LRP1B: variants seen among roughly 807,000 people sequenced by gnomAD.
The protein encoded by LRP1B is low-density lipoprotein receptor-related protein 1B.
In LRP1B, 217 loss-of-function variants were observed where a neutral mutation model predicts 556.6. That is an observed-to-expected ratio of 0.39 (90% CI 0.35 to 0.44). LRP1B has a LOEUF of 0.44. LRP1B is among the 20% of genes least tolerant of loss of function. The pLI, the probability that LRP1B is intolerant of heterozygous loss-of-function variation, is 1.00. For synonymous variants in LRP1B, 2,047 were observed against 1,865.8 expected, an observed-to-expected ratio of 1.10 and a Z score of -2.50; for missense variants, 5,053 against 5,620.8, an observed-to-expected ratio of 0.90 and a Z score of 3.23.
intron 1 of LRP1B, among the ~76,000 whole-genome samples, chr2:141,977,340 G>A (rs1026529652): frequency 1.3e-5 from 2 of 152,140 alleles, no homozygotes; most frequent in Non-Finnish European, 2.9e-5. Context: ...GGGAGGCCAA[G>A]GTGGGTGGAT....
At chr2:142,064,839 A>G (rs1437357078) in intron 1 of LRP1B, among the ~76,000 whole-genome samples, 1 of 151,628 alleles carries the variant, frequency 6.6e-6, no homozygotes, top group Non-Finnish European at 1.5e-5. Context: ...TTTCTGAAAG[A>G]TAAGAAAGGT....
intron 7 of LRP1B, among the ~76,000 whole-genome samples, chr2:141,169,968 T>C (rs193103522): frequency 2.6e-5 from 4 of 152,148 alleles, no homozygotes; most frequent in East Asian, 1.9e-4. Context: ...AGCTGCCACA[T>C]TGTATACAGC....
At chr2:141,388,215 C>T (rs900038506) in intron 3 of LRP1B, among the ~76,000 whole-genome samples, 1 of 152,118 alleles carries the variant, frequency 6.6e-6, no homozygotes, top group African/African-American at 2.4e-5. Flanking sequence ...ACAGGCAGAT[C>T]ACCTGAGGTC....
At chr2:140,900,097 C>A (rs1231888571) in intron 23 of LRP1B, among the ~76,000 whole-genome samples, 1 of 152,198 alleles carries the variant, frequency 6.6e-6, no homozygotes, top group Non-Finnish European at 1.5e-5. Flanking sequence ...GGAACACCTC[C>A]TTTCTGCCCC....
intron 7 of LRP1B, among the ~76,000 whole-genome samples, chr2:141,085,738 A>G (rs796798767): frequency 3.3e-5 from 5 of 152,350 alleles, no homozygotes; most frequent in African/African-American, 1.2e-4. Flanking sequence ...TAATCTTAAT[A>G]TGGATACAAT....
At chr2:142,114,519 A>C (rs2104995863) in intron 1 of LRP1B, among the ~76,000 whole-genome samples, 1 of 152,290 alleles carries the variant, frequency 6.6e-6, no homozygotes. Context: ...AATCAACCTA[A>C]GTATCTATCA....
chr2:141,716,504 A>G (rs892638603), intron 2 of LRP1B, among the ~76,000 whole-genome samples: 1 of 152,174 alleles, frequency 6.6e-6, no homozygotes, highest in Admixed American at 6.6e-5. Flanking sequence ...GGTGAGAAAT[A>G]CATCATTTAA....
chr2:140,886,848 T>C (rs2105193989), intron 23 of LRP1B, among the ~76,000 whole-genome samples: 1 of 152,248 alleles, frequency 6.6e-6, no homozygotes, highest in African/African-American at 2.4e-5. Context: ...GATGGCGGCT[T>C]CCTGCAGAGT....
chr2:141,312,792 G>T (rs1254574071), intron 3 of LRP1B, among the ~76,000 whole-genome samples: 1 of 151,904 alleles, frequency 6.6e-6, no homozygotes. Context: ...AGGTTCAAGA[G>T]ATTCTCTTGC....
chr2:141,810,104 A>C (rs923931434), intron 2 of LRP1B, among the ~76,000 whole-genome samples, 175 bp downstream of exon 2: 1 of 131,514 alleles, frequency 7.6e-6, no homozygotes, highest in African/African-American at 2.7e-5. Context: ...AAAAAGAAAG[A>C]AAGAAAGAAA....
Position 140,471,578 on chromosome 2 carries a change from T to C in LRP1B, c.9625+3560A>G, listed in dbSNP as rs368156227. Among the ~76,000 whole-genome samples, 14 of 152,334 alleles carry C rather than the reference T, an allele frequency of 9.2e-5. No individual in the cohort carries two copies. The South Asian group carries it at 2.5e-3, about 27-fold the overall frequency. ...TACATATATCTCCAATTTGATCTAC[T>C]ACATAACTATTGAATCTAACACTGT... is the stretch of plus-strand genomic sequence containing the variant. On this transcript the variant is annotated intron_variant, in intron 60 of 90. Coordinates refer to ENST00000389484, the MANE Select transcript of LRP1B (RefSeq NM_018557.3).
chr2:140,352,318 G>A (rs1427021004), intron 76 of LRP1B, among the ~76,000 whole-genome samples: 1 of 152,010 alleles, frequency 6.6e-6, no homozygotes, highest in Non-Finnish European at 1.5e-5. Flanking sequence ...TGGGACTACA[G>A]GTGTGTACCA....
intron 6 of LRP1B, among the ~76,000 whole-genome samples, chr2:141,199,042 C>A (rs1681881601): frequency 6.6e-6 from 1 of 152,130 alleles, no homozygotes; most frequent in South Asian, 2.1e-4. Context: ...TAAAGTTCCT[C>A]ACAGAGAACC....
chr2:141,279,443 G>A (rs1685428758), intron 3 of LRP1B, among the ~76,000 whole-genome samples: 1 of 152,084 alleles, frequency 6.6e-6, no homozygotes, highest in Non-Finnish European at 1.5e-5. Flanking sequence ...ATTACTCAAA[G>A]AGTTAATTGC....
At chr2:141,101,319 G>T (rs1354241490) in intron 7 of LRP1B, among the ~76,000 whole-genome samples, 3 of 152,146 alleles carry the variant, frequency 2.0e-5, no homozygotes, top group Admixed American at 6.5e-5. Context: ...TACTAGTGTA[G>T]GAAAAGAAGT....
At chr2:141,141,989 A>G (rs1701664748) in intron 7 of LRP1B, among the ~76,000 whole-genome samples, 1 of 150,822 alleles carries the variant, frequency 6.6e-6, no homozygotes, top group Admixed American at 6.6e-5. Context: ...CCACAATACA[A>G]AACGATAGGG....
rs780385688 is a variant in LRP1B, at chr2:140,350,967, T to G, written c.11722A>C (p.Ser3908Arg). The change falls in exon 77 of 91, where the codon AGT (serine) becomes CGT (arginine). Residue 3908 changes from serine (S) to arginine (R), a missense_variant. Around this residue, in one of 5 missense-constraint regions of LRP1B, gnomAD observed 599 missense variants for 648.4 expected, o/e 0.92. Coordinates refer to ENST00000389484, the MANE Select transcript of LRP1B (RefSeq NM_018557.3). ...ILGFIYPFNY[S>R]GDHQQISHIE... ...TGAGAAATTTGTTGATGATCGCCAC[T>G]GTAGTTGAATGGATATATAAAACCC... 4 of 1,607,900 alleles carry G rather than the reference T, an allele frequency of 2.5e-6. No homozygotes were observed. In the South Asian group the frequency reaches 4.4e-5, roughly 18 times the overall value.
In LRP1B at chr2:140,950,205, G is replaced by A. The variant is rs753212663; in HGVS notation, c.3136+30C>T. The A allele has an allele frequency of 2.7e-6, 4 of 1,464,168 alleles. No individual in the cohort carries two copies. The East Asian group carries it at 7.4e-5, about 27-fold the overall frequency. 90.7% of individuals were successfully genotyped at this position (1,464,168 alleles called of 1,614,324 possible). A position where few individuals can be genotyped will look rare whatever the true frequency, so the allele number is the denominator to read the frequency against. The stretch of plus-strand genomic sequence containing the variant: ...ATTATTATGCATCAACTTTTAAAAT[G>A]AGATTTCATTAATTTATAAAATTAC... On this transcript the variant is annotated intron_variant, in intron 20 of 90. Coordinates refer to ENST00000389484, the MANE Select transcript of LRP1B (RefSeq NM_018557.3).
chr2:141,708,104 T>G (rs1166190538), intron 2 of LRP1B, among the ~76,000 whole-genome samples: 1 of 152,104 alleles, frequency 6.6e-6, no homozygotes, highest in Non-Finnish European at 1.5e-5. Context: ...AAAATATAAT[T>G]ATTTCCCACT....
Sources: allele counts gnomAD v4.1 joint callset (sites outside exome capture counted in the v4.1 genomes callset), GRCh38; gene constraint gnomAD v4.1.1; regional missense constraint gnomAD v4.1.1; transcripts MANE v1.5; gene names NCBI Gene and HGNC (gene_info 2026-07-23, HGNC 2026-07-21).